Variants in MARK1 observed in about 807,000 individuals in gnomAD.
The protein encoded by MARK1 is serine/threonine-protein kinase MARK1.
A neutral mutation model predicts 96.3 loss-of-function variants in MARK1; 40 were observed. That is an observed-to-expected ratio of 0.42 (90% CI 0.32 to 0.54). The LOEUF (loss-of-function observed/expected upper bound fraction) is 0.54, where lower values mean the gene tolerates loss of function less well. Among genes scored for constraint, MARK1 ranks in the 20% least tolerant of loss-of-function variants. The pLI is 0.16. For missense variants in MARK1, 719 were observed against 984.6 expected, an observed-to-expected ratio of 0.73 and a Z score of 3.61; for synonymous variants, 317 against 341.2, an observed-to-expected ratio of 0.93 and a Z score of 0.78.
intron 6 of MARK1, 70 bp from the exon 7 acceptor site, chr1:220,615,869 T>A (rs752480350): frequency 1.6e-5 from 12 of 767,536 alleles, no homozygotes; most frequent in Non-Finnish European, 2.2e-5. Context: ...TTATCTAAAT[T>A]GGAGGTGATT....
intron 16 of MARK1, among the ~76,000 whole-genome samples, chr1:220,655,505 TC>T (rs1669121659): frequency 6.6e-6 from 1 of 152,174 alleles, no homozygotes; most frequent in Non-Finnish European, 1.5e-5. Context: ...GGCAGCCTTG[TC>T]CTTACAGTTG....
chr1:220,625,469 T>G (rs776154341), intron 9 of MARK1, among the ~76,000 whole-genome samples: 20 of 152,040 alleles, frequency 1.3e-4, no homozygotes, highest in Non-Finnish European at 2.5e-4. Context: ...AACCAAAATA[T>G]TACATAACAA....
At chr1:220,609,758 A>G (rs1005914253) in intron 6 of MARK1, among the ~76,000 whole-genome samples, 9 of 152,328 alleles carry the variant, frequency 5.9e-5, no homozygotes, top group East Asian at 1.9e-4. Flanking sequence ...TGGTGGTGAC[A>G]AAATCTCTCA....
Position 220,635,627 on chromosome 1 carries a change from A to G in MARK1, c.1276+98A>G. The G allele has an allele frequency of 3.7e-6, 5 of 1,359,710 alleles. No homozygotes were observed. In the South Asian group the frequency reaches 4.4e-5, roughly 12 times the overall value. The allele number at this position is 1,359,710 out of a possible 1,614,324, so 84.2% of individuals were successfully genotyped here. ...ATTCACGTCTCTATGTGCTTGTGTT[A>G]TCTAGTTCTCACAGACTTATATTAC... On this transcript the variant is annotated intron_variant, in intron 12 of 17. Transcript: ENST00000366917.
intron 1 of MARK1, among the ~76,000 whole-genome samples, chr1:220,531,606 A>G (rs1310551792): frequency 6.6e-6 from 1 of 152,196 alleles, no homozygotes; most frequent in Non-Finnish European, 1.5e-5. Flanking sequence ...AAAGAGGAAT[A>G]TTATAGCACT....
chr1:220,652,600 TA>T (rs1398732168), intron 15 of MARK1, among the ~76,000 whole-genome samples: 2 of 152,226 alleles, frequency 1.3e-5, no homozygotes, highest in Non-Finnish European at 2.9e-5. Context: ...TAAAATTGTA[TA>T]ATTGTTTTTC....
intron 4 of MARK1, among the ~76,000 whole-genome samples, chr1:220,598,762 G>A (rs1481307770): frequency 6.6e-6 from 1 of 152,060 alleles, no homozygotes; most frequent in Non-Finnish European, 1.5e-5. Flanking sequence ...GGGAGGCTGA[G>A]GCAGGTGGAT....
At chr1:220,653,848 A>G (rs1361218664) in intron 16 of MARK1, among the ~76,000 whole-genome samples, 3 of 152,218 alleles carry the variant, frequency 2.0e-5, no homozygotes, top group African/African-American at 7.2e-5. Context: ...CACAAAATGA[A>G]TACATGTATA....
At chr1:220,550,745 C>T (rs1256362536) in intron 1 of MARK1, among the ~76,000 whole-genome samples, 9 of 152,174 alleles carry the variant, frequency 5.9e-5, no homozygotes, top group African/African-American at 9.7e-5. Flanking sequence ...GAATTAACTT[C>T]ACCTTGGTCA....
intron 6 of MARK1, among the ~76,000 whole-genome samples, chr1:220,615,532 A>C (rs1456797059): frequency 6.6e-6 from 1 of 152,164 alleles, no homozygotes; most frequent in Non-Finnish European, 1.5e-5. Flanking sequence ...CCTAGAATAG[A>C]GTTTTGCTTT....
chr1:220,626,911 G>C lies in MARK1; in HGVS notation c.910-4124G>C, dbSNP rs899049143. ...GCCTATGCTGATGCTGGGAGGAAGT[G>C]GTTCCAATTTGTAATGTTGCCTAGT... On this transcript the variant is annotated intron_variant, in intron 9 of 17. Transcript: ENST00000366917. The C allele has an allele frequency of 1.0e-5, 5 of 495,388 alleles. No homozygotes were observed. In the East Asian group the frequency reaches 2.5e-4, roughly 25 times the overall value. The allele number at this position is 495,388 out of a possible 1,614,324, so 30.7% of individuals were successfully genotyped here. A position where few individuals can be genotyped will look rare whatever the true frequency, so the allele number is the denominator to read the frequency against.
chr1:220,586,675 G>A (rs993847454), intron 3 of MARK1, among the ~76,000 whole-genome samples: 3 of 152,128 alleles, frequency 2.0e-5, no homozygotes, highest in African/African-American at 2.4e-5. Flanking sequence ...TTCTCAAGAA[G>A]CTACTTAAGA....
chr1:220,609,644 T>C (rs1459913677), intron 6 of MARK1, among the ~76,000 whole-genome samples: 1 of 152,218 alleles, frequency 6.6e-6, no homozygotes, highest in African/African-American at 2.4e-5. Flanking sequence ...AGTTTCTTCA[T>C]AGCATCGATG....
At chr1:220,655,716 C>G (rs555477059) in intron 16 of MARK1, among the ~76,000 whole-genome samples, 1 of 152,096 alleles carries the variant, frequency 6.6e-6, no homozygotes, top group African/African-American at 2.4e-5. Context: ...TGTCCTTGTC[C>G]TCCTCTTCTG....
chr1:220,532,029 A>G (rs957263874), intron 1 of MARK1, among the ~76,000 whole-genome samples: 9 of 152,238 alleles, frequency 5.9e-5, no homozygotes, highest in Admixed American at 2.6e-4. Context: ...ATTTGGGAAA[A>G]ACTCCGATTA....
chr1:220,645,350 C>G (rs1668522404), intron 13 of MARK1, among the ~76,000 whole-genome samples: 1 of 152,172 alleles, frequency 6.6e-6, no homozygotes, highest in Admixed American at 6.6e-5. Flanking sequence ...CATACACCCT[C>G]CCAAGACTGA....
rs779496577 is a variant in MARK1 at position 220,653,105 on chromosome 1, A to T, written c.1741A>T (p.Thr581Ser). 4.3e-6 allele frequency: 7 copies of T among 1,614,148 alleles called. No individual in the cohort carries two copies. The highest frequency in any genetic ancestry group is 5.9e-6 in the Non-Finnish European group (7 of 1,180,004). The change falls in exon 16 of 18, where the codon ACC becomes TCC. Residue 581 changes from threonine to serine, a missense_variant. Thr to Ser is a moderately conservative substitution (Grantham distance 58). Coordinates refer to ENST00000366917, the MANE Select transcript of MARK1 (RefSeq NM_018650.5). ...DGSEAYRPGT[T>S]QRVPAASPSA... ...TATCTTAATTTGTCCCAGCAGTACA[A>T]CCCAGAGAGTGCCTGCTGCTTCCCC...
chr1:220,570,201 C>T (rs1325628485), intron 1 of MARK1, among the ~76,000 whole-genome samples: 3 of 151,990 alleles, frequency 2.0e-5, no homozygotes, highest in Non-Finnish European at 4.4e-5. Flanking sequence ...AGTGGAAACT[C>T]CAATATGATG....
At chr1:220,653,488 G>A in intron 16 of MARK1, 136 bp downstream of exon 16, 1 of 901,276 alleles carries the variant, frequency 1.1e-6, no homozygotes, top group Non-Finnish European at 1.5e-6. Context: ...TTACAGAGTT[G>A]GAAGAAAAAA....
Sources: gnomAD v4.1 joint callset for allele counts (sites outside exome capture counted in the v4.1 genomes callset) on GRCh38, gnomAD v4.1.1 for gene constraint, MANE v1.5 for transcripts, NCBI Gene and HGNC (gene_info 2026-07-23, HGNC 2026-07-21) for gene names.